The following KCNB2 variants were observed in gnomAD, a reference collection of about 807,000 sequenced individuals.
The protein encoded by KCNB2 is delayed rectifier potassium channel protein.
KCNB2 carries 15 observed loss-of-function variants against 61.5 expected under a neutral mutation model. The observed-to-expected ratio is 0.24, with a 90% CI of 0.16 to 0.38. The LOEUF is 0.38. Among genes scored for constraint, KCNB2 ranks in the 10% least tolerant of loss-of-function variants. KCNB2 has a pLI of 1.00. For missense variants in KCNB2, 828 were observed against 1,125.2 expected (o/e 0.74, Z 3.78); for synonymous variants, 457 against 446.0 (o/e 1.02, Z -0.31).
At chr8:72,660,903 G>A (rs1035259481) in intron 2 of KCNB2, 1 of 152,148 alleles carries the variant, frequency 6.6e-6, no homozygotes, top group Non-Finnish European at 1.5e-5. Context: ...CCTTTCTAAT[G>A]CTTTTCCCTA....
intron 2 of KCNB2, among the ~76,000 whole-genome samples, chr8:72,932,985 C>T (rs190096574): frequency 2.0e-5 from 3 of 152,246 alleles, no homozygotes; most frequent in Admixed American, 2.0e-4. Context: ...AAAATAAGTC[C>T]TTCCTCTAAA....
In KCNB2 at chr8:72,561,781, A is replaced by ACG. The variant is rs1563523659; in HGVS notation, c.-93-5861_-93-5860insCG. Among the ~76,000 whole-genome samples, 27 of 69,642 alleles carry ACG rather than the reference A, an allele frequency of 3.9e-4. 1 individual carries two copies. The highest frequency in any genetic ancestry group is 2.8e-3 in the African/African-American group (25 of 8,870). The allele number at this position is 69,642 out of a possible 152,430, so 45.7% of individuals were successfully genotyped here. On this transcript the variant is annotated intron_variant, in intron 1 of 2. Coordinates refer to ENST00000523207, the MANE Select transcript of KCNB2 (RefSeq NM_004770.3). ...TATATGGATATATATATATATGGAT[A>ACG]TATATATACATATATATATATATGA...
At chr8:72,652,016 C>T (rs543618172) in intron 2 of KCNB2, among the ~76,000 whole-genome samples, 1 of 152,068 alleles carries the variant, frequency 6.6e-6, no homozygotes, top group Non-Finnish European at 1.5e-5. Flanking sequence ...ATCTCATTCC[C>T]TATGTCAACT....
At chr8:72,716,401 C>A (rs1433152347) in intron 2 of KCNB2, among the ~76,000 whole-genome samples, 1 of 152,074 alleles carries the variant, frequency 6.6e-6, no homozygotes, top group Non-Finnish European at 1.5e-5. Flanking sequence ...AACATTGATG[C>A]AAAAATCCTC....
chr8:72,601,471 A>G (rs965902170), intron 2 of KCNB2, among the ~76,000 whole-genome samples: 3 of 152,214 alleles, frequency 2.0e-5, no homozygotes, highest in Admixed American at 2.0e-4. Flanking sequence ...CAGGCCTTTC[A>G]TCCAGCAGTA....
intron 2 of KCNB2, among the ~76,000 whole-genome samples, chr8:72,608,596 G>A (rs1805490615): frequency 6.6e-6 from 1 of 152,146 alleles, no homozygotes; most frequent in African/African-American, 2.4e-5. Context: ...AAGCTAGAGA[G>A]AAGACACAAG....
chr8:72,630,422 A>T (rs1269299411), intron 2 of KCNB2, among the ~76,000 whole-genome samples: 1 of 152,142 alleles, frequency 6.6e-6, no homozygotes, highest in Non-Finnish European at 1.5e-5. Flanking sequence ...AAGGTCTTCA[A>T]TCTTATATGT....
intron 2 of KCNB2, among the ~76,000 whole-genome samples, chr8:72,730,892 A>T (rs1807728284): frequency 6.6e-6 from 1 of 152,238 alleles, no homozygotes; most frequent in Non-Finnish European, 1.5e-5. Context: ...TATTAAAAAA[A>T]AATGAGAAAA....
intron 2 of KCNB2, among the ~76,000 whole-genome samples, chr8:72,803,992 T>A (rs1201406039): frequency 1.3e-5 from 2 of 152,126 alleles, no homozygotes; most frequent in East Asian, 3.9e-4. Flanking sequence ...AAGAAAGTGG[T>A]TCAGCATGCC....
intron 2 of KCNB2, among the ~76,000 whole-genome samples, chr8:72,918,502 T>G (rs1032969285): frequency 6.6e-6 from 1 of 152,218 alleles, no homozygotes; most frequent in Non-Finnish European, 1.5e-5. Flanking sequence ...TGCATTTGCA[T>G]AAATAAAAAT....
At chr8:72,633,288 G>A (rs1585797010) in intron 2 of KCNB2, among the ~76,000 whole-genome samples, 1 of 152,022 alleles carries the variant, frequency 6.6e-6, no homozygotes, top group Non-Finnish European at 1.5e-5. Flanking sequence ...GCCACCAAGG[G>A]CATGTCAAAC....
At chr8:72,907,835 T>A (rs1806205478) in intron 2 of KCNB2, among the ~76,000 whole-genome samples, 1 of 152,190 alleles carries the variant, frequency 6.6e-6, no homozygotes, top group African/African-American at 2.4e-5. Flanking sequence ...ATAGCCTTAA[T>A]ATACCCTAAG....
intron 2 of KCNB2, among the ~76,000 whole-genome samples, chr8:72,705,419 C>G (rs1807205746): frequency 6.6e-6 from 1 of 152,196 alleles, no homozygotes; most frequent in South Asian, 2.1e-4. Flanking sequence ...TCCAGTTTAT[C>G]TGATAGAATG....
At chr8:72,567,327 C>A (rs570043286) in intron 1 of KCNB2, among the ~76,000 whole-genome samples, 20 of 152,138 alleles carry the variant, frequency 1.3e-4, no homozygotes, top group African/African-American at 4.6e-4. Context: ...AAGAGTTGAT[C>A]AAGCACATGG....
chr8:72,669,461 G>A (rs1388567648), intron 2 of KCNB2, among the ~76,000 whole-genome samples: 4 of 152,082 alleles, frequency 2.6e-5, no homozygotes, highest in Non-Finnish European at 5.9e-5. Flanking sequence ...TGACAGAAAA[G>A]AGATAAATAC....
chr8:72,681,422 G>A (rs561915037), intron 2 of KCNB2, among the ~76,000 whole-genome samples: 42 of 152,144 alleles, frequency 2.8e-4, no homozygotes, highest in Admixed American at 1.0e-3. Context: ...CACAGCACCA[G>A]GATCATCAAT....
intron 2 of KCNB2, among the ~76,000 whole-genome samples, chr8:72,639,007 A>C (rs371775931): frequency 6.6e-6 from 1 of 152,156 alleles, no homozygotes; most frequent in Non-Finnish European, 1.5e-5. Flanking sequence ...TTCCAGGCAC[A>C]TGCGGTGTGC....
At position 72,936,722 on chromosome 8, in the gene KCNB2, A is replaced by G; in HGVS notation, c.1367A>G (p.Asp456Gly). The G allele has an allele frequency of 1.9e-6, 3 of 1,614,188 alleles. No homozygotes were observed. The highest frequency in any genetic ancestry group is 2.5e-6 in the Non-Finnish European group (3 of 1,180,032). Residue 456 changes from aspartate to glycine, a missense_variant, in exon 3 of 3, where the codon GAT (aspartate) becomes GGT (glycine). By Grantham distance (94) the Asp-to-Gly change is moderately conservative. This residue lies in a region of KCNB2 where 559 missense variants were observed against 588.4 expected (regional missense o/e 0.95). Coordinates refer to ENST00000523207, the MANE Select transcript of KCNB2 (RefSeq NM_004770.3). The surrounding 1 kb of genome is among the most constrained non-coding windows in gnomAD (Gnocchi z 5.6). ...NGSIVSMNLK[D>G]AFARSMELID... ...AGCATCGTTTCTATGAACTTAAAAGATGCCTTCGCTCGAAGTATGGAACTG... is the reference window on the plus strand; with the variant it reads ...AGCATCGTTTCTATGAACTTAAAAGGTGCCTTCGCTCGAAGTATGGAACTG...
intron 2 of KCNB2, among the ~76,000 whole-genome samples, chr8:72,834,984 T>C (rs1477690294): frequency 6.6e-6 from 1 of 152,142 alleles, no homozygotes; most frequent in Non-Finnish European, 1.5e-5. Context: ...GATAGGGTGA[T>C]TCCTTTAGTG....
Sources: gnomAD v4.1 joint callset for allele counts (sites outside exome capture counted in the v4.1 genomes callset) on GRCh38, gnomAD v4.1.1 for gene constraint, gnomAD v4.1.1 regional missense constraint, Gnocchi (gnomAD v3.1) non-coding constraint, MANE v1.5 for transcripts, NCBI Gene and HGNC (gene_info 2026-07-23, HGNC 2026-07-21) for gene names.